The following FAM135B variants were observed in gnomAD, a reference collection of about 807,000 sequenced individuals.
FAM135B encodes protein FAM135B.
In FAM135B, 43 loss-of-function variants were observed where a neutral mutation model predicts 127.7. That is an observed-to-expected ratio of 0.34 (90% CI 0.26 to 0.43). The LOEUF is 0.43. FAM135B is among the 20% of genes least tolerant of loss of function. The pLI is 1.00. For missense variants in FAM135B, 1,558 were observed against 1,725.6 expected, an observed-to-expected ratio of 0.90 and a Z score of 1.72; for synonymous variants, 670 against 665.1, an observed-to-expected ratio of 1.01 and a Z score of -0.11.
At chr8:138,205,933 T>C (rs1414401284) in intron 7 of FAM135B, among the ~76,000 whole-genome samples, 2 of 151,860 alleles carry the variant, frequency 1.3e-5, no homozygotes, top group Non-Finnish European at 1.5e-5. Context: ...TGCATGTATG[T>C]ACTTGCTGCC....
intron 3 of FAM135B, among the ~76,000 whole-genome samples, chr8:138,284,473 G>GA (rs1158752338): frequency 3.3e-5 from 5 of 151,228 alleles, no homozygotes; most frequent in East Asian, 2.0e-4. Context: ...TTAGGATAAA[G>GA]AAAAAAAAAT....
intron 1 of FAM135B, among the ~76,000 whole-genome samples, chr8:138,453,425 C>CAA (rs397891817): frequency 1.9e-4 from 16 of 84,298 alleles, no homozygotes; most frequent in Admixed American, 2.7e-4. Flanking sequence ...GTCCAAGTGA[C>CAA]AAAAAAAAAA....
intron 15 of FAM135B, among the ~76,000 whole-genome samples, chr8:138,144,779 T>A (rs888775137): frequency 6.6e-6 from 1 of 152,044 alleles, no homozygotes; most frequent in Non-Finnish European, 1.5e-5. Context: ...AGACCTGAGG[T>A]TTCCAGGTTG....
chr8:138,264,276 C>T (rs1822751436), intron 4 of FAM135B, among the ~76,000 whole-genome samples: 1 of 152,172 alleles, frequency 6.6e-6, no homozygotes, highest in Admixed American at 6.5e-5. Flanking sequence ...ACTTGTCCTC[C>T]AGGGAATAAT....
chr8:138,455,546 T>C (rs1363282108), intron 1 of FAM135B, among the ~76,000 whole-genome samples: 1 of 152,216 alleles, frequency 6.6e-6, no homozygotes. Context: ...ACAACAAACC[T>C]AAATGTAGGT....
intron 9 of FAM135B, among the ~76,000 whole-genome samples, chr8:138,193,899 G>T (rs571530279): frequency 6.6e-6 from 1 of 152,192 alleles, no homozygotes; most frequent in Non-Finnish European, 1.5e-5. Flanking sequence ...TTAAACCCAC[G>T]CCAGCATGGC....
intron 7 of FAM135B, among the ~76,000 whole-genome samples, chr8:138,201,638 A>T (rs1290228170): frequency 6.6e-6 from 1 of 152,202 alleles, no homozygotes; most frequent in African/African-American, 2.4e-5. Flanking sequence ...CATGAAGAGC[A>T]TTGAAAAACC....
chr8:138,257,278 A>G (rs1281678338), intron 4 of FAM135B, among the ~76,000 whole-genome samples: 1 of 152,182 alleles, frequency 6.6e-6, no homozygotes, highest in Non-Finnish European at 1.5e-5. Context: ...TCACTTCTTC[A>G]GGCGTCCCAG....
At chr8:138,133,731 C>G (rs1475057041) in intron 19 of FAM135B, among the ~76,000 whole-genome samples, 1 of 152,160 alleles carries the variant, frequency 6.6e-6, no homozygotes, top group Non-Finnish European at 1.5e-5. Flanking sequence ...TGGACACTCT[C>G]TCATGCCACG....
chr8:138,149,417 A>G (rs1445361800), intron 13 of FAM135B, among the ~76,000 whole-genome samples: 1 of 152,096 alleles, frequency 6.6e-6, no homozygotes, highest in South Asian at 2.1e-4. Flanking sequence ...GCCTCCACAA[A>G]TAACACATTT....
At chr8:138,386,542 A>C (rs1832229517) in intron 1 of FAM135B, among the ~76,000 whole-genome samples, 1 of 152,222 alleles carries the variant, frequency 6.6e-6, no homozygotes, top group South Asian at 2.1e-4. Flanking sequence ...CAACAGCATT[A>C]GGGATTCTAG....
At chr8:138,214,498 A>T (rs572216910) in intron 7 of FAM135B, among the ~76,000 whole-genome samples, 1 of 152,336 alleles carries the variant, frequency 6.6e-6, no homozygotes, top group East Asian at 1.9e-4. Flanking sequence ...GAGCACACAG[A>T]CTAATGATTT....
intron 3 of FAM135B, among the ~76,000 whole-genome samples, chr8:138,305,615 T>C (rs1826186027): frequency 6.6e-6 from 1 of 152,232 alleles, no homozygotes; most frequent in African/African-American, 2.4e-5. Flanking sequence ...GTCTTACACC[T>C]GTTTTATCTT....
chr8:138,319,970 G>A (rs1235450236), intron 2 of FAM135B, among the ~76,000 whole-genome samples: 1 of 152,162 alleles, frequency 6.6e-6, no homozygotes, highest in African/African-American at 2.4e-5. Flanking sequence ...GACGTGACCA[G>A]CCATTGCTGA....
intron 14 of FAM135B, among the ~76,000 whole-genome samples, chr8:138,147,053 A>C (rs752873600): frequency 3.9e-5 from 6 of 152,190 alleles, no homozygotes; most frequent in African/African-American, 1.4e-4. Flanking sequence ...GATGACTCAG[A>C]TATGCCCATA....
At position 138,406,424 on chromosome 8, in the gene FAM135B, C is replaced by T. The variant is rs201195212; in HGVS notation, c.-19-38422G>A. Among the ~76,000 whole-genome samples the T allele has an allele frequency of 1.8e-3, 277 of 151,780 alleles. 4 individuals are homozygous for T. The East Asian group carries it at 0.048, about 26-fold the overall frequency. On this transcript the variant is annotated intron_variant, in intron 1 of 19. Coordinates refer to ENST00000395297, the MANE Select transcript of FAM135B (RefSeq NM_015912.4). Reference sequence around the variant, plus strand: ...ACTTATTTTATGAGGCCAGCATCATCCTGATACCAAAGCCGGGCAGAGACA... The same window carrying T: ...ACTTATTTTATGAGGCCAGCATCATTCTGATACCAAAGCCGGGCAGAGACA...
chr8:138,345,757 C>A (rs757480322), intron 2 of FAM135B, among the ~76,000 whole-genome samples: 1 of 152,196 alleles, frequency 6.6e-6, no homozygotes, highest in Non-Finnish European at 1.5e-5. Context: ...TTCCTGAATT[C>A]GCCAAAGGAA....
chr8:138,351,230 T>C (rs188923836), intron 2 of FAM135B, among the ~76,000 whole-genome samples: 3 of 152,282 alleles, frequency 2.0e-5, no homozygotes, highest in Admixed American at 2.0e-4. Context: ...CCTCAGAATG[T>C]GGCATTATTT....
chr8:138,309,140 G>A, intron 3 of FAM135B: 2 of 381,158 alleles, frequency 5.2e-6, no homozygotes, highest in South Asian at 4.1e-5. Context: ...AGCTGCTCAT[G>A]TTATTATCCA....
Sources: allele counts gnomAD v4.1 joint callset (sites outside exome capture counted in the v4.1 genomes callset), GRCh38; gene constraint gnomAD v4.1.1; transcripts MANE v1.5; gene names NCBI Gene and HGNC (gene_info 2026-07-23, HGNC 2026-07-21).